The following P2RY13 variants were observed in gnomAD, a reference collection of about 807,000 sequenced individuals.
The protein encoded by P2RY13 is P2Y purinoceptor 13.
For missense variants in P2RY13, 412 were observed against 418.4 expected, an observed-to-expected ratio of 0.98 and a Z score of 0.13; for synonymous variants, 150 against 155.1, an observed-to-expected ratio of 0.97 and a Z score of 0.24.
chr3:151,329,546 G>A lies in P2RY13; in HGVS notation c.-18C>T, dbSNP rs1324958854. On this transcript the variant is annotated 5_prime_UTR_variant, in exon 1 of 2. Coordinates refer to ENST00000325602, the MANE Select transcript of P2RY13 (RefSeq NM_176894.3). ...GCAGTCATTAGTTCAGCCTACAAATGAGCATGTGAAGCAAATGTTCTGCTT... is the reference window on the plus strand; with the variant it reads ...GCAGTCATTAGTTCAGCCTACAAATAAGCATGTGAAGCAAATGTTCTGCTT... 6.0e-5 allele frequency: 92 copies of A among 1,533,904 alleles called. No individual in the cohort carries two copies. The highest frequency in any genetic ancestry group is 8.1e-5 in the Non-Finnish European group (92 of 1,133,520).
rs141361811 is a variant in P2RY13, at chr3:151,328,990, C to T, written c.66G>A (p.Met22Ile). Residue 22 changes from methionine (M) to isoleucine (I), a missense_variant, in exon 2 of 2, where the codon ATG becomes ATA. Transcript: ENST00000325602. ...TGAAGCCTTGCATCACTGTGGTGTT[C>T]ATTGCTTCCAGTGTCACCTGTTACC... ...SILPKVTLEAMNTTVMQGFNR... is the reference protein window; with the variant it reads ...SILPKVTLEAINTTVMQGFNR... 10 of 1,598,580 alleles carry T rather than the reference C, an allele frequency of 6.3e-6. No homozygotes were observed. The African/African-American group carries it at 9.4e-5, about 15-fold the overall frequency.
intron 1 of P2RY13, among the ~76,000 whole-genome samples, 194 bp downstream of exon 1, chr3:151,329,287 C>T (rs1220307261): frequency 1.3e-5 from 2 of 152,026 alleles, no homozygotes; most frequent in Non-Finnish European, 2.9e-5. Flanking sequence ...CTACTGTTAG[C>T]CATAAAACAA....
intron 1 of P2RY13, 75 bp from the exon 2 acceptor site, chr3:151,329,082 A>G: frequency 9.0e-7 from 1 of 1,105,140 alleles, no homozygotes; most frequent in Non-Finnish European, 1.3e-6. Context: ...TATTTTTTAA[A>G]AACAGACTTT....
chr3:151,328,422 T>A lies in P2RY13; in HGVS notation c.634A>T (p.Ile212Leu). 1 of 1,613,410 alleles carries A rather than the reference T, an allele frequency of 6.2e-7. No individual in the cohort carries two copies. Among genetic ancestry groups the A allele is most frequent in the South Asian group, 1.1e-5 (1 of 91,076 alleles). Residue 212 changes from isoleucine to leucine, a missense_variant, in exon 2 of 2, where the codon ATA (isoleucine) becomes TTA (leucine). Physicochemically the swap from Ile to Leu is conservative, Grantham distance 5. Transcript: ENST00000325602. The part of the protein sequence containing the change: ...GLKWHQMVNN[I>L]CQFIFWTVFI... ...ACAGTCCAGAAAATAAACTGGCATA[T>A]GTTATTTACCATTTGATGCCATTTC... is the stretch of plus-strand genomic sequence containing the variant.
chr3:151,328,533 A>C lies in P2RY13; in HGVS notation c.523T>G (p.Ser175Ala), dbSNP rs779389899. Residue 175 changes from serine to alanine, a missense_variant, in exon 2 of 2, where the codon TCC becomes GCC. Physicochemically the swap from Ser to Ala is moderately conservative, Grantham distance 99. Transcript: ENST00000325602. Reference sequence around the variant, plus strand: ...TTGCTCAAGATCGTATTTGGCAGGGAGATGAAGAACAAAAAGAACCAGATG... The same window carrying C: ...TTGCTCAAGATCGTATTTGGCAGGGCGATGAAGAACAAAAAGAACCAGATG... ...IFIWFFLFFISLPNTILSNKE... is the reference protein window; with the variant it reads ...IFIWFFLFFIALPNTILSNKE... The C allele has an allele frequency of 1.2e-6, 2 of 1,613,976 alleles. No individual in the cohort carries two copies. The highest frequency in any genetic ancestry group is 1.7e-6 in the Non-Finnish European group (2 of 1,179,928).
At position 151,327,126 on chromosome 3, in the gene P2RY13, A is replaced by G. The variant is rs1749707839; in HGVS notation, c.*865T>C. 6.6e-6 allele frequency: 1 copy of G among 152,202 alleles called. No individual in the cohort carries two copies. Among genetic ancestry groups the G allele is most frequent in the African/African-American group, 2.4e-5 (1 of 41,448 alleles). The allele number at this position is 152,202 out of a possible 1,614,324, so 9.4% of individuals were successfully genotyped here. ...ATTTTTAGCGGATGCAGTCAAGAAT[A>G]TAGCTAACTAGAAAAGGGAGATCTG... On this transcript the variant is annotated 3_prime_UTR_variant, in exon 2 of 2. Transcript: ENST00000325602.
rs1749769745 is a variant in P2RY13, at chr3:151,327,514, C to T, written c.*477G>A. The T allele has an allele frequency of 6.6e-6, 1 of 152,148 alleles. No individual in the cohort carries two copies. The highest frequency in any genetic ancestry group is 1.5e-5 in the Non-Finnish European group (1 of 68,060). The allele number at this position is 152,148 out of a possible 1,614,324, so 9.4% of individuals were successfully genotyped here. A position where few individuals can be genotyped will look rare whatever the true frequency, so the allele number is the denominator to read the frequency against. On this transcript the variant is annotated 3_prime_UTR_variant, in exon 2 of 2. Coordinates refer to ENST00000325602, the MANE Select transcript of P2RY13 (RefSeq NM_176894.3). ...CAGTTCCTCAGACTCTTCAAGTCTG[C>T]ATCCCTTTCAACCCCTGGCTGCAGT...
rs947826478 is a variant in P2RY13, at chr3:151,326,383, A to G, written c.*1608T>C. 6 of 152,640 alleles carry G rather than the reference A, an allele frequency of 3.9e-5. No individual in the cohort carries two copies. The highest frequency in any genetic ancestry group is 2.1e-4 in the South Asian group (1 of 4,836). 9.5% of individuals were successfully genotyped at this position (152,640 alleles called of 1,614,324 possible). On this transcript the variant is annotated 3_prime_UTR_variant, in exon 2 of 2. Transcript: ENST00000325602. ...CTTTCAGATATATACATCAGTTACT[A>G]AAAGAGTAGATACAAAGGTCAGGAA...
In P2RY13 at chr3:151,326,699, AG is replaced by A. The variant is rs1462842903; in HGVS notation, c.*1291del. 2 of 152,240 alleles carry A rather than the reference AG, an allele frequency of 1.3e-5. No individual in the cohort carries two copies. The highest frequency in any genetic ancestry group is 1.3e-4 in the Admixed American group (2 of 15,284). The allele number at this position is 152,240 out of a possible 1,614,324, so 9.4% of individuals were successfully genotyped here. A position where few individuals can be genotyped will look rare whatever the true frequency, so the allele number is the denominator to read the frequency against. On this transcript the variant is annotated 3_prime_UTR_variant, in exon 2 of 2. Coordinates refer to ENST00000325602, the MANE Select transcript of P2RY13 (RefSeq NM_176894.3). ...AGCTAGGAGGTAAGGCCAGAAAGGT[AG>A]GCAAGTTCTAGGGCCTTTGAGGCCA...
intron 1 of P2RY13, among the ~76,000 whole-genome samples, 196 bp downstream of exon 1, chr3:151,329,285 A>G (rs1272835140): frequency 6.6e-6 from 1 of 152,222 alleles, no homozygotes; most frequent in Non-Finnish European, 1.5e-5. Flanking sequence ...TGCTACTGTT[A>G]GCCATAAAAC....
Position 151,328,301 on chromosome 3 carries a change from T to C in P2RY13, c.755A>G (p.Lys252Arg). 1.2e-6 allele frequency: 2 copies of C among 1,613,964 alleles called. No homozygotes were observed. The highest frequency in any genetic ancestry group is 1.7e-6 in the Non-Finnish European group (2 of 1,179,940). Residue 252 changes from lysine to arginine, a missense_variant, in exon 2 of 2, where the codon AAG becomes AGG. Coordinates refer to ENST00000325602, the MANE Select transcript of P2RY13 (RefSeq NM_176894.3). ...SKSKDRKNNK[K>R]LEGKVFVVVA... ...GACAACAAATACTTTGCCTTCCAGC[T>C]TTTTGTTGTTTTTTCTGTCCTTACT...
In P2RY13 at chr3:151,326,879, A is replaced by G. The variant is rs1408635209; in HGVS notation, c.*1112T>C. The G allele has an allele frequency of 6.6e-6, 1 of 152,192 alleles. No individual in the cohort carries two copies. The highest frequency in any genetic ancestry group is 1.5e-5 in the Non-Finnish European group (1 of 68,026). The allele number at this position is 152,192 out of a possible 1,614,324, so 9.4% of individuals were successfully genotyped here. On this transcript the variant is annotated 3_prime_UTR_variant, in exon 2 of 2. Transcript: ENST00000325602. ...ACATTTTACTTTTTTGAATCACAGA[A>G]GGATGCAAGAAAAAATACCAAGGTA...
chr3:151,328,910 G>T lies in P2RY13; in HGVS notation c.146C>A (p.Ala49Asp). The change falls in exon 2 of 2, where the codon GCC becomes GAC. Residue 49 changes from alanine (A) to aspartate (D), a missense_variant. Transcript: ENST00000325602. ...GGTCAAGAAAACCACTGTGTAGAGG[G>T]CTGGGAATACCAGCTGTACTATCCG... ...DTRIVQLVFP[A>D]LYTVVFLTGI... 1.2e-6 allele frequency: 2 copies of T among 1,613,856 alleles called. No individual in the cohort carries two copies. The highest frequency in any genetic ancestry group is 1.1e-5 in the South Asian group (1 of 91,072).
Position 151,328,518 on chromosome 3 carries a change from T to C in P2RY13, c.538A>G (p.Ile180Val), listed in dbSNP as rs752753008. ...FLFFISLPNT[I>V]LSNKEATPSS... Reference sequence around the variant, plus strand: ...GGTGTTGCTTCCTTGTTGCTCAAGATCGTATTTGGCAGGGAGATGAAGAAC... The same window carrying C: ...GGTGTTGCTTCCTTGTTGCTCAAGACCGTATTTGGCAGGGAGATGAAGAAC... Residue 180 changes from isoleucine to valine, a missense_variant, in exon 2 of 2, where the codon ATC becomes GTC. Ile to Val is a conservative substitution (Grantham distance 29, BLOSUM62 3). Transcript: ENST00000325602. 1.2e-6 allele frequency: 2 copies of C among 1,613,980 alleles called. No homozygotes were observed. Among genetic ancestry groups the C allele is most frequent in the Admixed American group, 3.3e-5 (2 of 59,956 alleles).
In P2RY13 at chr3:151,328,972, T is replaced by C; in HGVS notation, c.84A>G (p.Gln28=). 6.2e-7 allele frequency: 1 copy of C among 1,612,170 alleles called. No individual in the cohort carries two copies. The highest frequency in any genetic ancestry group is 1.3e-5 in the African/African-American group (1 of 74,982). The change falls in exon 2 of 2, where the codon CAA becomes CAG. Residue 28 remains glutamine, a synonymous_variant. Transcript: ENST00000325602. ...TLEAMNTTVM[Q]GFNRSERCPR... ...GGCACCGCTCAGATCTGTTGAAGCC[T>C]TGCATCACTGTGGTGTTCATTGCTT...
rs1221055576 is a variant in P2RY13, at chr3:151,328,711, C to T, written c.345G>A (p.Val115=). ...AAAATATCACCGAAGAAAAACGACA[C>T]ACAAAAGCTCTGAGCTGCCAGGGTG... ...HLAPWQLRAF[V]CRFSSVIFYE... The change falls in exon 2 of 2, where the codon GTG becomes GTA. Residue 115 remains valine (V), a synonymous_variant. Transcript: ENST00000325602. The T allele has an allele frequency of 6.2e-7, 1 of 1,613,994 alleles. No homozygotes were observed. The highest frequency in any genetic ancestry group is 1.7e-5 in the Admixed American group (1 of 59,986).
rs1304227985 is a variant in P2RY13, at chr3:151,328,712, A to G, written c.344T>C (p.Val115Ala). 6 of 1,614,040 alleles carry G rather than the reference A, an allele frequency of 3.7e-6. No homozygotes were observed. Among genetic ancestry groups the G allele is most frequent in the Middle Eastern group, 1.6e-4 (1 of 6,062 alleles). Reference protein sequence around the residue: ...HLAPWQLRAFVCRFSSVIFYE... With the variant: ...HLAPWQLRAFACRFSSVIFYE... ...AAATATCACCGAAGAAAAACGACAC[A>G]CAAAAGCTCTGAGCTGCCAGGGTGC... The change falls in exon 2 of 2, where the codon GTG becomes GCG. Residue 115 changes from valine to alanine, a missense_variant. Physicochemically the swap from Val to Ala is moderately conservative, Grantham distance 64. Coordinates refer to ENST00000325602, the MANE Select transcript of P2RY13 (RefSeq NM_176894.3).
chr3:151,327,723 G>A lies in P2RY13; in HGVS notation c.*268C>T, dbSNP rs1384287700. ...CTTTTCCAAAATGTTAAAGTGAAAT[G>A]CTCTTGAAATTAAAAAAAAAAAAAA... is the stretch of plus-strand genomic sequence containing the variant. On this transcript the variant is annotated 3_prime_UTR_variant, in exon 2 of 2. Coordinates refer to ENST00000325602, the MANE Select transcript of P2RY13 (RefSeq NM_176894.3). The A allele has an allele frequency of 1.8e-5, 5 of 273,746 alleles. No individual in the cohort carries two copies. In the Admixed American group the frequency reaches 2.6e-4, roughly 14 times the overall value. The allele number at this position is 273,746 out of a possible 1,614,324, so 17.0% of individuals were successfully genotyped here.
chr3:151,328,130 T>G lies in P2RY13; in HGVS notation c.926A>C (p.Asn309Thr). 6.2e-7 allele frequency: 1 copy of G among 1,613,168 alleles called. No homozygotes were observed. Among genetic ancestry groups the G allele is most frequent in the Non-Finnish European group, 8.5e-7 (1 of 1,179,666 alleles). ...KETTLFLAAT[N>T]ICMDPLIYIF... ...GTATATTAAGGGATCCATACAAATG[T>G]TAGTTGCTGCCAAAAAGAGAGTTGT... is the stretch of plus-strand genomic sequence containing the variant. The change falls in exon 2 of 2, where the codon AAC becomes ACC. Residue 309 changes from asparagine (N) to threonine (T), a missense_variant. Coordinates refer to ENST00000325602, the MANE Select transcript of P2RY13 (RefSeq NM_176894.3).
Sources: gnomAD v4.1 joint callset for allele counts (sites outside exome capture counted in the v4.1 genomes callset) on GRCh38, gnomAD v4.1.1 for gene constraint, MANE v1.5 for transcripts, NCBI Gene and HGNC (gene_info 2026-07-23, HGNC 2026-07-21) for gene names.